The following SPPL2A variants were observed in gnomAD, a reference collection of about 807,000 sequenced individuals.
SPPL2A encodes the protein signal peptide peptidase like 2A.
A neutral mutation model predicts 63.8 loss-of-function variants in SPPL2A; 51 were observed. The ratio of observed to expected loss-of-function variants is 0.80; its 90% CI spans 0.64 to 1.01. SPPL2A has a LOEUF of 1.01. Ranked by LOEUF, SPPL2A falls within the 50% of genes least tolerant of loss-of-function variation. SPPL2A has a pLI of 0.00. For synonymous variants in SPPL2A, 188 were observed against 205.8 expected (o/e 0.91, Z 0.74); for missense variants, 553 against 622.7 (o/e 0.89, Z 1.19).
chr15:50,741,398 A>T (rs1204418771), intron 5 of SPPL2A, among the ~76,000 whole-genome samples: 1 of 151,376 alleles, frequency 6.6e-6, no homozygotes, highest in Non-Finnish European at 1.5e-5. Flanking sequence ...GGAAAAGAGG[A>T]GGGAGAGAGT....
At chr15:50,745,548 CTTT>C (rs34633198) in intron 5 of SPPL2A, among the ~76,000 whole-genome samples, 15 of 118,060 alleles carry the variant, frequency 1.3e-4, no homozygotes, top group African/African-American at 1.3e-4. Context: ...TGCAGCTGGC[CTTT>C]TTTTTTTTTT....
intron 7 of SPPL2A, 118 bp downstream of exon 7, chr15:50,736,526 A>G: frequency 1.8e-6 from 1 of 564,812 alleles, no homozygotes; most frequent in South Asian, 3.1e-5. Flanking sequence ...ATTTAAATTT[A>G]AACACCTGTA....
intron 10 of SPPL2A, among the ~76,000 whole-genome samples, chr15:50,727,233 GACTA>G (rs1023465234): frequency 6.6e-6 from 1 of 152,144 alleles, no homozygotes; most frequent in Non-Finnish European, 1.5e-5. Context: ...AAATTTGATT[GACTA>G]ACTATAATAT....
At chr15:50,711,238 T>A (rs1356614880) in intron 14 of SPPL2A, among the ~76,000 whole-genome samples, 4 of 147,470 alleles carry the variant, frequency 2.7e-5, no homozygotes, top group Non-Finnish European at 6.0e-5. Context: ...AGATGGAGTG[T>A]TGCTTTTGTT....
intron 5 of SPPL2A, among the ~76,000 whole-genome samples, chr15:50,747,198 G>A (rs2062865058): frequency 1.3e-5 from 2 of 152,102 alleles, no homozygotes; most frequent in South Asian, 4.1e-4. Context: ...TAAATCAATA[G>A]GCATATTAGG....
chr15:50,730,584 G>T (rs1380232325), intron 10 of SPPL2A, among the ~76,000 whole-genome samples: 1 of 152,110 alleles, frequency 6.6e-6, no homozygotes, highest in East Asian at 1.9e-4. Flanking sequence ...TGGTTGCAAG[G>T]TTACAGAGCT....
chr15:50,714,938 C>T (rs780346925), intron 14 of SPPL2A, among the ~76,000 whole-genome samples: 5 of 151,842 alleles, frequency 3.3e-5, no homozygotes, highest in Non-Finnish European at 5.9e-5. Context: ...GCAAATTCCG[C>T]CACCCCTCCC....
chr15:50,739,170 CTTTTTTT>C (rs71127136), intron 6 of SPPL2A, among the ~76,000 whole-genome samples: 6 of 106,936 alleles, frequency 5.6e-5, no homozygotes, highest in Non-Finnish European at 7.7e-5. Context: ...ACATAACGTA[CTTTTTTT>C]TTTTTTTTTT....
intron 8 of SPPL2A, among the ~76,000 whole-genome samples, chr15:50,734,585 TA>T (rs1235716098): frequency 1.3e-5 from 2 of 152,118 alleles, no homozygotes; most frequent in Non-Finnish European, 2.9e-5. Flanking sequence ...TATAGCTAAA[TA>T]AAATAAATAA....
chr15:50,745,077 T>C (rs894269408), intron 5 of SPPL2A, among the ~76,000 whole-genome samples: 1 of 152,278 alleles, frequency 6.6e-6, no homozygotes, highest in Admixed American at 6.6e-5. Context: ...AACAATGCAG[T>C]TTGTGGCTTT....
rs1283480525 is a variant in SPPL2A at position 50,765,550 on chromosome 15, G to A, written c.-17C>T. 12 of 1,474,354 alleles carry A rather than the reference G, an allele frequency of 8.1e-6. No individual in the cohort carries two copies. The highest frequency in any genetic ancestry group is 2.9e-5 in the African/African-American group (2 of 68,034). 91.3% of individuals were successfully genotyped at this position (1,474,354 alleles called of 1,614,324 possible). A position where few individuals can be genotyped will look rare whatever the true frequency, so the allele number is the denominator to read the frequency against. ...CGGCCCCATCGGACTGGTGGGTGCC[G>A]GGTGGGACGGCACGGTGCGGCGCAG... On this transcript the variant is annotated 5_prime_UTR_variant, in exon 1 of 15. Transcript: ENST00000261854.
intron 14 of SPPL2A, among the ~76,000 whole-genome samples, chr15:50,710,106 T>C (rs531946848): frequency 6.6e-6 from 1 of 152,318 alleles, no homozygotes; most frequent in African/African-American, 2.4e-5. Context: ...GTTCTGGGTC[T>C]AAGAGATTAG....
intron 14 of SPPL2A, among the ~76,000 whole-genome samples, chr15:50,712,052 G>A (rs1190037425): frequency 6.6e-6 from 1 of 152,172 alleles, no homozygotes; most frequent in East Asian, 1.9e-4. Flanking sequence ...CTAAAGGCCA[G>A]TGGATGAAGG....
Position 50,735,622 on chromosome 15 carries a change from C to T in SPPL2A, c.932+479G>A, listed in dbSNP as rs528055227. ...TTGCCCAGGCTGGAGTGCAATGGCG[C>T]GATCTTGGCTCACTGCAACCTCCGC... On this transcript the variant is annotated intron_variant, in intron 8 of 14. Coordinates refer to ENST00000261854, the MANE Select transcript of SPPL2A (RefSeq NM_032802.4). Among the ~76,000 whole-genome samples the T allele has an allele frequency of 1.8e-4, 27 of 152,156 alleles. 1 individual carries two copies. The highest frequency in any genetic ancestry group is 4.8e-4 in the African/African-American group (20 of 41,512).
chr15:50,706,474 T>A lies in SPPL2A; in HGVS notation c.*1326A>T, dbSNP rs1464938673. On this transcript the variant is annotated 3_prime_UTR_variant, in exon 15 of 15. Transcript: ENST00000261854. ...TACTCAACTCTTCCTTGTATTGTAA[T>A]TAAACTGAGACTAACACCAAGTCTC... 1 of 151,372 alleles carries A rather than the reference T, an allele frequency of 6.6e-6. No homozygotes were observed. Among genetic ancestry groups the A allele is most frequent in the Non-Finnish European group, 1.5e-5 (1 of 67,930 alleles). 9.4% of individuals were successfully genotyped at this position (151,372 alleles called of 1,614,324 possible).
intron 8 of SPPL2A, among the ~76,000 whole-genome samples, chr15:50,733,125 G>A (rs1300826162): frequency 1.3e-5 from 2 of 152,132 alleles, no homozygotes; most frequent in Non-Finnish European, 2.9e-5. Flanking sequence ...GCATTAACAC[G>A]TCTCGCTCTA....
At chr15:50,736,812 T>C in intron 6 of SPPL2A, 72 bp from the exon 7 acceptor site, 1 of 725,178 alleles carries the variant, frequency 1.4e-6, no homozygotes, top group Non-Finnish European at 2.4e-6. Context: ...ATACAAGCAA[T>C]ATTAATTCTT....
intron 1 of SPPL2A, among the ~76,000 whole-genome samples, chr15:50,763,561 G>T (rs374514103): frequency 6.6e-6 from 1 of 152,172 alleles, no homozygotes; most frequent in South Asian, 2.1e-4. Flanking sequence ...TAGAACCCGA[G>T]ATTACCATGG....
chr15:50,753,616 T>C (rs1024227177), intron 1 of SPPL2A, among the ~76,000 whole-genome samples: 1 of 152,198 alleles, frequency 6.6e-6, no homozygotes, highest in African/African-American at 2.4e-5. Flanking sequence ...AGGATTAAGT[T>C]AGATGATGCA....
Sources: gnomAD v4.1 joint callset for allele counts (sites outside exome capture counted in the v4.1 genomes callset) on GRCh38, gnomAD v4.1.1 for gene constraint, MANE v1.5 for transcripts, NCBI Gene and HGNC (gene_info 2026-07-23, HGNC 2026-07-21) for gene names.